BCL2L14: variants seen among roughly 807,000 people sequenced by gnomAD.
BCL2L14 encodes the protein apoptosis facilitator Bcl-2-like protein 14.
In BCL2L14, 27 loss-of-function variants were observed where a neutral mutation model predicts 35.3. The ratio of observed to expected loss-of-function variants is 0.76; its 90% CI spans 0.56 to 1.05. The LOEUF is 1.05. Ranked by LOEUF, BCL2L14 falls within the 50% of genes least tolerant of loss-of-function variation. The pLI, the probability that BCL2L14 is intolerant of heterozygous loss-of-function variation, is 0.00. For synonymous variants in BCL2L14, 139 were observed against 145.9 expected (o/e 0.95, Z 0.34); for missense variants, 377 against 382.6 (o/e 0.99, Z 0.12).
rs376810924 is a variant in BCL2L14, at chr12:12,098,994, C to G, written c.*6C>G. On this transcript the variant is annotated 3_prime_UTR_variant, in exon 6 of 6. Coordinates refer to ENST00000308721, the MANE Select transcript of BCL2L14 (RefSeq NM_138723.2). ...CACATGAAGAAGTAGACTGAAATAT[C>G]AGATTTGTCATCAGGAATACTCTTT... is the stretch of plus-strand genomic sequence containing the variant. The G allele has an allele frequency of 1.3e-6, 2 of 1,595,968 alleles. No individual in the cohort carries two copies. Among genetic ancestry groups the G allele is most frequent in the African/African-American group, 1.3e-5 (1 of 74,546 alleles).
intron 2 of BCL2L14, among the ~76,000 whole-genome samples, chr12:12,065,282 T>A (rs1374094069): frequency 1.3e-5 from 2 of 152,096 alleles, no homozygotes; most frequent in Non-Finnish European, 2.9e-5. Flanking sequence ...ACGCATATAA[T>A]CTCAGCACTT....
At chr12:12,067,315 C>A (rs1469430341), upstream of BCL2L14, among the ~76,000 whole-genome samples, 1 of 152,180 alleles carries the variant, frequency 6.6e-6, no homozygotes, top group Non-Finnish European at 1.5e-5. Context: ...TTTTGGGAGG[C>A]TGAGGCAGAC....
intron 2 of BCL2L14, among the ~76,000 whole-genome samples, chr12:12,053,662 G>A (rs1019998023): frequency 7.2e-5 from 11 of 152,204 alleles, no homozygotes; most frequent in African/African-American, 2.4e-4. Flanking sequence ...TCAGGTACCC[G>A]CCTTGGCCTC....
upstream of BCL2L14, among the ~76,000 whole-genome samples, chr12:12,069,543 C>CA (rs374176155): frequency 0.093 from 12,366 of 133,082 alleles, 544 homozygotes; most frequent in Middle Eastern, 0.13. Flanking sequence ...ACTAAAAATA[C>CA]AAAAAAAAAA....
chr12:12,079,976 G>T (rs916431461), intron 2 of BCL2L14, among the ~76,000 whole-genome samples: 1 of 152,178 alleles, frequency 6.6e-6, no homozygotes, highest in African/African-American at 2.4e-5. Flanking sequence ...AGGCCAAGGC[G>T]GGTGGATCAT....
At chr12:12,075,722 G>A (rs767245770) in intron 1 of BCL2L14, among the ~76,000 whole-genome samples, 1 of 152,174 alleles carries the variant, frequency 6.6e-6, no homozygotes, top group Non-Finnish European at 1.5e-5. Context: ...ATCGTCCCCT[G>A]CCGGATATGT....
At chr12:12,073,870 C>G (rs1948723276) in intron 1 of BCL2L14, among the ~76,000 whole-genome samples, 1 of 152,084 alleles carries the variant, frequency 6.6e-6, no homozygotes, top group African/African-American at 2.4e-5. Context: ...CTAGACTCAG[C>G]CTTTTCCCCA....
intron 1 of BCL2L14, 49 bp from the exon 2 acceptor site, chr12:12,079,250 G>GGTAA: frequency 6.8e-7 from 1 of 1,480,852 alleles, no homozygotes. Flanking sequence ...ACCTGCAAAG[G>GGTAA]GTAAGTGGCC....
At chr12:12,073,000 C>T (rs1049976635) in intron 1 of BCL2L14, among the ~76,000 whole-genome samples, 1 of 152,072 alleles carries the variant, frequency 6.6e-6, no homozygotes. Flanking sequence ...GATTCTCCCC[C>T]CTCAGCCTCC....
At chr12:12,056,214 G>A (rs201401302) in intron 2 of BCL2L14, among the ~76,000 whole-genome samples, 6 of 23,726 alleles carry the variant, frequency 2.5e-4, no homozygotes, top group Non-Finnish European at 7.2e-4. Context: ...GCAGTGGTCC[G>A]TCCCTACACC....
At chr12:12,075,350 T>C (rs1205151940) in intron 1 of BCL2L14, among the ~76,000 whole-genome samples, 2 of 152,042 alleles carry the variant, frequency 1.3e-5, no homozygotes, top group Non-Finnish European at 2.9e-5. Context: ...CTTGAACTCC[T>C]GCCTCCCAAA....
chr12:12,095,431 A>G (rs1372090500), intron 5 of BCL2L14: 21 of 985,304 alleles, frequency 2.1e-5, no homozygotes, highest in South Asian at 4.7e-5. Context: ...TAAAAAGCCA[A>G]CAGTTAAACT....
intron 4 of BCL2L14, among the ~76,000 whole-genome samples, chr12:12,092,370 T>C (rs1291026820): frequency 2.6e-5 from 4 of 152,254 alleles, no homozygotes; most frequent in African/African-American, 9.6e-5. Context: ...TTATTTCCTT[T>C]ACATGCTTCC....
At chr12:12,075,786 G>C (rs960718037) in intron 1 of BCL2L14, among the ~76,000 whole-genome samples, 1 of 151,616 alleles carries the variant, frequency 6.6e-6, no homozygotes, top group Admixed American at 6.6e-5. Context: ...TTTTTTTGGC[G>C]CCATTTATTT....
chr12:12,087,460 G>C (rs1231196618), intron 3 of BCL2L14, 74 bp downstream of exon 3: 16 of 1,515,010 alleles, frequency 1.1e-5, no homozygotes, highest in Non-Finnish European at 2.7e-6. Context: ...ATCCATCCCA[G>C]GGCTCGGCAA....
Position 12,095,340 on chromosome 12 carries a change from C to T in BCL2L14, c.945+410C>T, listed in dbSNP as rs552685794. 4.1e-6 allele frequency: 4 copies of T among 985,406 alleles called. No individual in the cohort carries two copies. The South Asian group carries it at 1.4e-4, about 35-fold the overall frequency. The allele number at this position is 985,406 out of a possible 1,614,324, so 61.0% of individuals were successfully genotyped here. ...CTTAGAGGTCACGGAGACTAAGCCT[C>T]ATGCAGAGACTCAGGGTTCATGGCA... On this transcript the variant is annotated intron_variant, in intron 5 of 5. Transcript: ENST00000308721.
intron 3 of BCL2L14, 103 bp downstream of exon 3, chr12:12,087,489 C>T: frequency 7.7e-7 from 1 of 1,306,292 alleles, no homozygotes; most frequent in South Asian, 1.4e-5. Context: ...TCTCCGCTGC[C>T]TGGACTGAGG....
intron 1 of BCL2L14, among the ~76,000 whole-genome samples, chr12:12,050,401 C>T (rs1591796166): frequency 6.9e-6 from 1 of 144,198 alleles, no homozygotes; most frequent in Non-Finnish European, 1.5e-5. Context: ...CCACTGCACT[C>T]CAACCTGGGC....
At chr12:12,091,937 T>C (rs1303931287) in intron 4 of BCL2L14, among the ~76,000 whole-genome samples, 4 of 152,194 alleles carry the variant, frequency 2.6e-5, no homozygotes, top group Non-Finnish European at 4.4e-5. Flanking sequence ...TGAACCTCCA[T>C]TCCTGGAGAA....
Sources: allele counts gnomAD v4.1 joint callset (sites outside exome capture counted in the v4.1 genomes callset), GRCh38; gene constraint gnomAD v4.1.1; transcripts MANE v1.5; gene names NCBI Gene and HGNC (gene_info 2026-07-23, HGNC 2026-07-21).